The following GRM5 variants were observed in gnomAD, a reference collection of about 807,000 sequenced individuals.
GRM5 encodes the protein glutamate metabotropic receptor 5, also known as metabotropic glutamate receptor 5.
Under a neutral mutation model 83.1 loss-of-function variants are expected in GRM5, and 19 were observed. The observed-to-expected ratio is 0.23, with a 90% CI of 0.16 to 0.34. The LOEUF is 0.34. GRM5 is among the 10% of genes least tolerant of loss of function. The probability of loss-of-function intolerance (pLI) is 1.00; values close to 1 mark genes in which losing one functional copy is unlikely to be tolerated. For synonymous variants in GRM5, 675 were observed against 633.6 expected (o/e 1.07, Z -0.98); for missense variants, 1,160 against 1,588.3 (o/e 0.73, Z 4.58).
intron 8 of GRM5, among the ~76,000 whole-genome samples, chr11:88,536,267 G>GGTGTCACACACACACAA (rs1289390736): frequency 7.7e-4 from 118 of 152,298 alleles, no homozygotes; most frequent in South Asian, 1.7e-3. Context: ...ATTTGAATAA[G>GGTGTCACACACACACAA]AAGGTGTCAC....
At chr11:88,931,572 T>A (rs1179233321) in intron 2 of GRM5, among the ~76,000 whole-genome samples, 1 of 152,110 alleles carries the variant, frequency 6.6e-6, no homozygotes, top group Non-Finnish European at 1.5e-5. Flanking sequence ...TGGAAAACCA[T>A]GTTGAGGAAC....
At chr11:88,892,989 C>T (rs1200211984) in intron 2 of GRM5, among the ~76,000 whole-genome samples, 1 of 151,980 alleles carries the variant, frequency 6.6e-6, no homozygotes, top group Non-Finnish European at 1.5e-5. Context: ...AAATTATCTA[C>T]TACACCACAC....
intron 8 of GRM5, among the ~76,000 whole-genome samples, chr11:88,527,050 G>A (rs1941895864): frequency 6.6e-6 from 1 of 152,166 alleles, no homozygotes; most frequent in Admixed American, 6.5e-5. Context: ...AAGCTAGATT[G>A]AGTAGACTTA....
At chr11:88,546,938 G>A (rs1035191517) in intron 8 of GRM5, among the ~76,000 whole-genome samples, 3 of 151,952 alleles carry the variant, frequency 2.0e-5, no homozygotes, top group Non-Finnish European at 4.4e-5. Context: ...AAATGGGGAG[G>A]TATTGAATAT....
chr11:89,036,692 TAGC>T (rs1941394478), intron 2 of GRM5, among the ~76,000 whole-genome samples: 1 of 35,438 alleles, frequency 2.8e-5, no homozygotes, highest in Non-Finnish European at 5.5e-5. Context: ...GTCCCTCAAC[TAGC>T]AAGACTATTA....
At chr11:88,558,737 G>C (rs1451244778) in intron 8 of GRM5, among the ~76,000 whole-genome samples, 2 of 139,126 alleles carry the variant, frequency 1.4e-5, no homozygotes, top group African/African-American at 5.5e-5. Context: ...AGAGGTGGAG[G>C]TTGCAGTGAG....
chr11:89,006,573 C>A (rs1223835290), intron 2 of GRM5, among the ~76,000 whole-genome samples: 1 of 152,202 alleles, frequency 6.6e-6, no homozygotes, highest in African/African-American at 2.4e-5. Context: ...GATGGGCTAA[C>A]AGATCATTCA....
At chr11:88,740,767 G>A (rs1217488391) in intron 3 of GRM5, among the ~76,000 whole-genome samples, 4 of 152,008 alleles carry the variant, frequency 2.6e-5, no homozygotes, top group African/African-American at 9.7e-5. Flanking sequence ...ATGTGCACAA[G>A]GCATGCTCAG....
At chr11:89,021,769 C>G (rs1691572554) in intron 2 of GRM5, among the ~76,000 whole-genome samples, 1 of 152,170 alleles carries the variant, frequency 6.6e-6, no homozygotes, top group South Asian at 2.1e-4. Flanking sequence ...GTCAGAGTCT[C>G]AGTTTGTCTA....
intron 2 of GRM5, among the ~76,000 whole-genome samples, chr11:89,026,182 G>A (rs1002609652): frequency 6.6e-6 from 1 of 152,078 alleles, no homozygotes; most frequent in Admixed American, 6.5e-5. Context: ...GTAGGAGGAG[G>A]GAGAGAATAA....
chr11:88,687,579 A>AAT (rs1242323998), intron 3 of GRM5, among the ~76,000 whole-genome samples: 1 of 46,844 alleles, frequency 2.1e-5, no homozygotes, highest in Admixed American at 3.7e-4. Flanking sequence ...ATATATATAT[A>AAT]ATATATATAT....
At chr11:89,050,453 G>A (rs113477508) in intron 1 of GRM5, among the ~76,000 whole-genome samples, 3 of 151,960 alleles carry the variant, frequency 2.0e-5, no homozygotes, top group Non-Finnish European at 4.4e-5. Flanking sequence ...GTATTCTAAA[G>A]GGTAACTTTA....
intron 3 of GRM5, among the ~76,000 whole-genome samples, chr11:88,758,049 A>T (rs1942434855): frequency 6.6e-6 from 1 of 152,132 alleles, no homozygotes; most frequent in South Asian, 2.1e-4. Flanking sequence ...CTTATACCAC[A>T]ATCAAATCCT....
intron 2 of GRM5, among the ~76,000 whole-genome samples, chr11:88,968,584 G>A (rs1939067770): frequency 6.6e-6 from 1 of 152,104 alleles, no homozygotes; most frequent in African/African-American, 2.4e-5. Context: ...AGCTACTTAG[G>A]AAGATCGCTT....
At chr11:88,630,147 C>T (rs1938922365) in intron 4 of GRM5, among the ~76,000 whole-genome samples, 1 of 152,120 alleles carries the variant, frequency 6.6e-6, no homozygotes, top group South Asian at 2.1e-4. Flanking sequence ...AGTAAGGTCA[C>T]CCTCCCCAAC....
rs114059085 is a variant in GRM5 at position 88,912,175 on chromosome 11, A to G, written c.662-62020T>C. On this transcript the variant is annotated intron_variant, in intron 2 of 9. Coordinates refer to ENST00000305447, the MANE Select transcript of GRM5 (RefSeq NM_001143831.3). ...GCAGGAGTATTGCTTCAAAAATAAC[A>G]TTGTTATTTTTCAATAGGTATTCCG... The G allele has an allele frequency of 4.8e-3, 947 of 199,278 alleles. 10 individuals carry two copies. Among genetic ancestry groups the G allele is most frequent in the African/African-American group, 0.022 (914 of 42,142 alleles). 12.3% of individuals were successfully genotyped at this position (199,278 alleles called of 1,614,324 possible).
intron 3 of GRM5, among the ~76,000 whole-genome samples, chr11:88,824,563 A>T (rs1271861608): frequency 1.3e-5 from 2 of 152,154 alleles, no homozygotes; most frequent in African/African-American, 4.8e-5. Context: ...ACCTCAGATT[A>T]TTAGGCATTA....
At chr11:88,872,878 T>C (rs1402092990) in intron 2 of GRM5, among the ~76,000 whole-genome samples, 3 of 151,252 alleles carry the variant, frequency 2.0e-5, no homozygotes, top group Admixed American at 1.3e-4. Flanking sequence ...ATTTACCTTA[T>C]ATGTAAATGA....
intron 3 of GRM5, among the ~76,000 whole-genome samples, chr11:88,849,188 C>A (rs1197757951): frequency 1.3e-5 from 2 of 151,834 alleles, no homozygotes; most frequent in South Asian, 4.2e-4. Flanking sequence ...CACACACACA[C>A]AAATTTATAC....
Sources: allele counts gnomAD v4.1 joint callset (sites outside exome capture counted in the v4.1 genomes callset), GRCh38; gene constraint gnomAD v4.1.1; transcripts MANE v1.5; gene names NCBI Gene and HGNC (gene_info 2026-07-23, HGNC 2026-07-21).